SLX9: variants seen among roughly 807,000 people sequenced by gnomAD.
SLX9 encodes the protein SLX9 ribosome biogenesis factor.
SLX9 carries 19 observed loss-of-function variants against 20.8 expected under a neutral mutation model. That is an observed-to-expected ratio of 0.91 (90% CI 0.64 to 1.34). The LOEUF (loss-of-function observed/expected upper bound fraction) is 1.34, where lower values mean the gene tolerates loss of function less well. Among genes scored for constraint, SLX9 ranks in the 40% most tolerant of loss-of-function variants. The probability of loss-of-function intolerance (pLI) is 0.00; values close to 1 mark genes in which losing one functional copy is unlikely to be tolerated. For missense variants in SLX9, 299 were observed against 322.2 expected (o/e 0.93, Z 0.55); for synonymous variants, 113 against 137.1 (o/e 0.82, Z 1.23).
chr21:44,941,747 C>T (rs904275427), intron 1 of SLX9, among the ~76,000 whole-genome samples: 7 of 152,188 alleles, frequency 4.6e-5, no homozygotes, highest in East Asian at 1.9e-4. Context: ...GCCAGGGATG[C>T]GACCTCCTGG....
Position 44,940,158 on chromosome 21 carries a change from C to A in SLX9, c.101C>A (p.Thr34Asn). The A allele has an allele frequency of 7.8e-7, 1 of 1,287,692 alleles. No homozygotes were observed. The highest frequency in any genetic ancestry group is 2.6e-5 in the South Asian group (1 of 38,314). The allele number at this position is 1,287,692 out of a possible 1,614,324, so 79.8% of individuals were successfully genotyped here. Reference sequence around the variant, plus strand: ...CCCGCGCCCCCTGCCCCGGAGGCGACCCCTCCGCCGGCCTCGGCCGCGGGG... The same window carrying A: ...CCCGCGCCCCCTGCCCCGGAGGCGAACCCTCCGCCGGCCTCGGCCGCGGGG... ...PGPAPPAPEA[T>N]PPPASAAGKD... Residue 34 changes from threonine (T) to asparagine (N), a missense_variant, in exon 1 of 6, where the codon ACC becomes AAC. Thr to Asn is a moderately conservative substitution (Grantham distance 65). Coordinates refer to ENST00000291634, the MANE Select transcript of SLX9 (RefSeq NM_058190.4).
chr21:44,952,505 CCTT>C (rs1197643666), intron 2 of SLX9, among the ~76,000 whole-genome samples: 2 of 152,210 alleles, frequency 1.3e-5, no homozygotes, highest in Non-Finnish European at 2.9e-5. Flanking sequence ...CCAGGGCCCT[CCTT>C]CTCCCCTGCA....
intron 5 of SLX9, 67 bp from the exon 6 acceptor site, chr21:44,976,613 C>A: frequency 6.5e-7 from 1 of 1,534,974 alleles, no homozygotes. Context: ...TCTGACGTTT[C>A]CGGGTGTTGA....
intron 4 of SLX9, among the ~76,000 whole-genome samples, chr21:44,970,787 G>A (rs2085128951): frequency 1.3e-5 from 2 of 152,200 alleles, no homozygotes; most frequent in African/African-American, 4.8e-5. Context: ...CCACCTAGTG[G>A]GGAGAACATA....
Position 44,963,659 on chromosome 21 carries a change from A to G in SLX9, c.353-3375A>G, listed in dbSNP as rs537512876. On this transcript the variant is annotated intron_variant, in intron 3 of 5. Coordinates refer to ENST00000291634, the MANE Select transcript of SLX9 (RefSeq NM_058190.4). ...TTCAGCTGTTCCAGCACCATTTGTT[A>G]TAAGTACTTTTCTTTCCTTATTGGA... Among the ~76,000 whole-genome samples the G allele has an allele frequency of 1.1e-3, 169 of 151,794 alleles. 1 individual carries two copies. The highest frequency in any genetic ancestry group is 3.4e-3 in the Middle Eastern group (1 of 294).
At chr21:44,949,893 A>T (rs1001789923) in intron 2 of SLX9, among the ~76,000 whole-genome samples, 4 of 152,086 alleles carry the variant, frequency 2.6e-5, no homozygotes, top group Admixed American at 6.5e-5. Context: ...GGAGGGCGCG[A>T]CCTTGGCTTC....
intron 2 of SLX9, among the ~76,000 whole-genome samples, chr21:44,955,793 T>C (rs145227469): frequency 9.2e-5 from 14 of 152,324 alleles, no homozygotes; most frequent in Non-Finnish European, 1.8e-4. Context: ...TGCACCCAGC[T>C]CTATAGGGAG....
intron 2 of SLX9, among the ~76,000 whole-genome samples, chr21:44,948,583 G>A (rs1487405028): frequency 6.6e-6 from 1 of 152,180 alleles, no homozygotes; most frequent in Non-Finnish European, 1.5e-5. Flanking sequence ...ACTCAGAGCC[G>A]GGTGGGGCTG....
At chr21:44,955,043 C>G (rs1568935067) in intron 2 of SLX9, among the ~76,000 whole-genome samples, 2 of 151,916 alleles carry the variant, frequency 1.3e-5, no homozygotes, top group Admixed American at 1.3e-4. Context: ...ATGAAAGACC[C>G]CGTCTCTACT....
chr21:44,952,554 TG>T (rs1362356008), intron 2 of SLX9, among the ~76,000 whole-genome samples: 3 of 152,122 alleles, frequency 2.0e-5, no homozygotes, highest in Non-Finnish European at 4.4e-5. Context: ...CGCCCTCCCA[TG>T]GGGGATGCTG....
At chr21:44,951,851 G>T (rs934340775) in intron 2 of SLX9, among the ~76,000 whole-genome samples, 1 of 152,116 alleles carries the variant, frequency 6.6e-6, no homozygotes, top group African/African-American at 2.4e-5. Context: ...GCTGCTCTTT[G>T]TCCGAGCAGG....
chr21:44,973,026 G>GGCA, intron 4 of SLX9, 171 bp from the exon 5 acceptor site: 1 of 730,356 alleles, frequency 1.4e-6, no homozygotes, highest in Non-Finnish European at 2.3e-6. Flanking sequence ...TGCTTGTCCA[G>GGCA]GTCTCGCCTC....
intron 2 of SLX9, among the ~76,000 whole-genome samples, chr21:44,948,148 G>A (rs1290718909): frequency 6.6e-6 from 1 of 152,246 alleles, no homozygotes; most frequent in Non-Finnish European, 1.5e-5. Flanking sequence ...GGACATCCGG[G>A]GAGCTGGTCA....
chr21:44,951,303 G>T (rs915790343), intron 2 of SLX9, among the ~76,000 whole-genome samples: 1 of 152,102 alleles, frequency 6.6e-6, no homozygotes, highest in Non-Finnish European at 1.5e-5. Context: ...GCAGCATCGC[G>T]CAGGGAGGTA....
intron 2 of SLX9, among the ~76,000 whole-genome samples, chr21:44,954,291 G>A (rs1255389198): frequency 1.3e-5 from 2 of 150,780 alleles, no homozygotes; most frequent in Admixed American, 6.6e-5. Flanking sequence ...GGTTGCTGAG[G>A]GGAGCAGAGG....
intron 2 of SLX9, among the ~76,000 whole-genome samples, chr21:44,946,083 T>C (rs756440707): frequency 3.3e-5 from 5 of 152,168 alleles, no homozygotes; most frequent in Non-Finnish European, 7.4e-5. Flanking sequence ...GAGTAACTGG[T>C]GGGAGAGGGT....
At chr21:44,948,766 T>C (rs2084698156) in intron 2 of SLX9, among the ~76,000 whole-genome samples, 1 of 152,226 alleles carries the variant, frequency 6.6e-6, no homozygotes, top group Non-Finnish European at 1.5e-5. Context: ...GCACCTTTGC[T>C]TGAGTTTTGT....
Position 44,976,938 on chromosome 21 carries a change from C to G in SLX9, c.*135C>G, listed in dbSNP as rs1377956727. The G allele has an allele frequency of 8.0e-7, 1 of 1,244,116 alleles. No homozygotes were observed. The highest frequency in any genetic ancestry group is 1.5e-5 in the African/African-American group (1 of 66,144). The allele number at this position is 1,244,116 out of a possible 1,614,324, so 77.1% of individuals were successfully genotyped here. On this transcript the variant is annotated 3_prime_UTR_variant, in exon 6 of 6. Coordinates refer to ENST00000291634, the MANE Select transcript of SLX9 (RefSeq NM_058190.4). ...CGGTTGTGGGGCTCAATAAATGGCT[C>G]TGTGAACTTCCCCTGCACTGCCAGG...
rs1229711004 is a variant in SLX9, at chr21:44,968,446, G to A, written c.500+1265G>A. Among the ~76,000 whole-genome samples, 7 of 152,368 alleles carry A rather than the reference G, an allele frequency of 4.6e-5. No individual in the cohort carries two copies. In the East Asian group the frequency reaches 1.2e-3, roughly 25 times the overall value. On this transcript the variant is annotated intron_variant, in intron 4 of 5. Coordinates refer to ENST00000291634, the MANE Select transcript of SLX9 (RefSeq NM_058190.4). ...AGGACGGCTCAACCAGGAGGGCAGCGGCTGCATGACCCTCCCTGTCACCTC... is the reference window on the plus strand; with the variant it reads ...AGGACGGCTCAACCAGGAGGGCAGCAGCTGCATGACCCTCCCTGTCACCTC...
Sources: gnomAD v4.1 joint callset for allele counts (sites outside exome capture counted in the v4.1 genomes callset) on GRCh38, gnomAD v4.1.1 for gene constraint, MANE v1.5 for transcripts, NCBI Gene and HGNC (gene_info 2026-07-23, HGNC 2026-07-21) for gene names.